Variants in GOSR2 observed in about 807,000 individuals in gnomAD.
GOSR2 encodes the protein 27 kDa Golgi SNARE protein.
A neutral mutation model predicts 27.9 loss-of-function variants in GOSR2; 20 were observed. That is an observed-to-expected ratio of 0.72 (90% confidence interval 0.50 to 1.04). GOSR2 has a LOEUF of 1.04. Among genes scored for constraint, GOSR2 ranks in the 50% least tolerant of loss-of-function variants. The pLI is 0.00. For missense variants in GOSR2, 261 were observed against 270.5 expected (o/e 0.97, Z 0.25); for synonymous variants, 91 against 98.8 (o/e 0.92, Z 0.47).
At chr17:46,966,998 TG>T (rs1385608224) in exon 7 of GOSR2, 2 of 262,214 alleles carry the variant, frequency 7.6e-6, no homozygotes, top group Non-Finnish European at 1.4e-5. Context: ...TTGATTTCTG[TG>T]ATGTGTGAAG....
In GOSR2 at chr17:46,938,865, G is replaced by C. The variant is rs1213288777; in HGVS notation, c.*105G>C. On this transcript the variant is annotated 3_prime_UTR_variant, in exon 6 of 6. Transcript: ENST00000640051. Reference sequence around the variant, plus strand: ...AGGCCGCCTTTTGAAATGTTTGCCTGTCTGAACTGTGAAGACACTTGGGAG... The same window carrying C: ...AGGCCGCCTTTTGAAATGTTTGCCTCTCTGAACTGTGAAGACACTTGGGAG... The C allele has an allele frequency of 1.3e-6, 2 of 1,582,806 alleles. No individual in the cohort carries two copies. The highest frequency in any genetic ancestry group is 1.7e-6 in the Non-Finnish European group (2 of 1,168,278).
In GOSR2 at chr17:46,940,287, C is replaced by T. The variant is rs2089077962; in HGVS notation, c.*1527C>T. 6.3e-6 allele frequency: 9 copies of T among 1,436,504 alleles called. No individual in the cohort carries two copies. Among genetic ancestry groups the T allele is most frequent in the South Asian group, 6.0e-5 (4 of 67,224 alleles). The allele number at this position is 1,436,504 out of a possible 1,614,324, so 89.0% of individuals were successfully genotyped here. A position where few individuals can be genotyped will look rare whatever the true frequency, so the allele number is the denominator to read the frequency against. On this transcript the variant is annotated 3_prime_UTR_variant, in exon 6 of 6. Coordinates refer to ENST00000640051, the MANE Select transcript of GOSR2 (RefSeq NM_004287.5). ...GAGATCTCCATTGTTCCTACCCCTC[C>T]GGGCCAAATGGGCCCCAGGTTTCCA...
Position 46,941,380 on chromosome 17 carries a change from G to T in GOSR2, c.*2620G>T, listed in dbSNP as rs2147095600. The T allele has an allele frequency of 2.0e-6, 2 of 982,040 alleles. No individual in the cohort carries two copies. The highest frequency in any genetic ancestry group is 2.4e-6 in the Non-Finnish European group (2 of 826,870). The allele number at this position is 982,040 out of a possible 1,614,324, so 60.8% of individuals were successfully genotyped here. On this transcript the variant is annotated 3_prime_UTR_variant, in exon 6 of 6. Coordinates refer to ENST00000640051, the MANE Select transcript of GOSR2 (RefSeq NM_004287.5). ...ATTTAGAAAATCACATTTTGTAAAA[G>T]AATTCGATATTCATTTTTATAACTA...
chr17:46,967,897 AG>A (rs2091352127), downstream of GOSR2, among the ~76,000 whole-genome samples: 1 of 152,220 alleles, frequency 6.6e-6, no homozygotes, highest in Admixed American at 6.5e-5. Context: ...GAGCTTAAGC[AG>A]GGAGGTGGCC....
chr17:46,974,982 A>ATTTT (rs1245399884), intron 6 of GOSR2, among the ~76,000 whole-genome samples: 3 of 69,806 alleles, frequency 4.3e-5, no homozygotes, highest in South Asian at 6.6e-4. Context: ...ATGAATTACT[A>ATTTT]TTTTCTTTTT....
At chr17:46,944,495 G>T (rs1343141149), downstream of GOSR2, among the ~76,000 whole-genome samples, 1 of 152,204 alleles carries the variant, frequency 6.6e-6, no homozygotes, top group African/African-American at 2.4e-5. Context: ...CTCAGCCTGG[G>T]CTGCTTCCTG....
chr17:46,970,838 G>A (rs1183947926), downstream of GOSR2, among the ~76,000 whole-genome samples: 1 of 152,250 alleles, frequency 6.6e-6, no homozygotes, highest in East Asian at 1.9e-4. Context: ...ACACTGATAA[G>A]TGAAAAACAG....
At chr17:46,967,459 C>T (rs575798804), downstream of GOSR2, among the ~76,000 whole-genome samples, 2 of 152,292 alleles carry the variant, frequency 1.3e-5, no homozygotes, top group African/African-American at 4.8e-5. Flanking sequence ...GATTATAATT[C>T]TGTTTCATGG....
chr17:46,950,163 C>A (rs2090224384), intron 6 of GOSR2, among the ~76,000 whole-genome samples: 1 of 152,214 alleles, frequency 6.6e-6, no homozygotes, highest in Admixed American at 6.5e-5. Flanking sequence ...CAGTATTTTT[C>A]AATGTCTCTG....
chr17:46,969,685 G>A (rs146776213), downstream of GOSR2, among the ~76,000 whole-genome samples: 35 of 152,316 alleles, frequency 2.3e-4, no homozygotes, highest in African/African-American at 7.7e-4. Flanking sequence ...CCTTAAACAC[G>A]GAAGAGTTCA....
downstream of GOSR2, among the ~76,000 whole-genome samples, chr17:46,945,051 A>G (rs185263028): frequency 3.2e-4 from 48 of 152,302 alleles, no homozygotes; most frequent in East Asian, 9.1e-3. Flanking sequence ...GTGATAGTTT[A>G]GTGCGGCCAT....
intron 6 of GOSR2, among the ~76,000 whole-genome samples, chr17:46,960,448 G>A (rs2090989253): frequency 6.6e-6 from 1 of 152,204 alleles, no homozygotes; most frequent in African/African-American, 2.4e-5. Flanking sequence ...GTTTGGCAGT[G>A]TCTTACAGAG....
Position 46,932,164 on chromosome 17 carries a change from C to T in GOSR2, c.301C>T (p.Arg101Ter), listed in dbSNP as rs764802895. ...TGCAAGGGAGCAGCAGGAGAGACAG[C>T]GAGAAGAGCTTCTGTCTCGAACCTT... ...RHAREQQERQ[R>*]EELLSRTFTT... is the part of the protein sequence containing the mutation. Residue 101 changes from arginine to a stop codon, truncating the protein, a stop_gained, in exon 4 of 6, where the codon CGA becomes TGA. Coordinates refer to ENST00000640051, the MANE Select transcript of GOSR2 (RefSeq NM_004287.5). LOFTEE classifies it high-confidence loss of function. 2.3e-5 allele frequency: 37 copies of T among 1,614,080 alleles called. No individual in the cohort carries two copies. Among genetic ancestry groups the T allele is most frequent in the South Asian group, 8.8e-5 (8 of 91,074 alleles).
At position 46,940,288 on chromosome 17, in the gene GOSR2, G is replaced by A. The variant is rs2089078474; in HGVS notation, c.*1528G>A. On this transcript the variant is annotated 3_prime_UTR_variant, in exon 6 of 6. Transcript: ENST00000640051. ...AGATCTCCATTGTTCCTACCCCTCCGGGCCAAATGGGCCCCAGGTTTCCAA... is the reference window on the plus strand; with the variant it reads ...AGATCTCCATTGTTCCTACCCCTCCAGGCCAAATGGGCCCCAGGTTTCCAA... 17 of 1,436,136 alleles carry A rather than the reference G, an allele frequency of 1.2e-5. No homozygotes were observed. Among genetic ancestry groups the A allele is most frequent in the Admixed American group, 2.8e-5 (1 of 35,976 alleles). The allele number at this position is 1,436,136 out of a possible 1,614,324, so 89.0% of individuals were successfully genotyped here. A position where few individuals can be genotyped will look rare whatever the true frequency, so the allele number is the denominator to read the frequency against.
intron 6 of GOSR2, among the ~76,000 whole-genome samples, chr17:46,972,597 C>T (rs1183060571): frequency 6.6e-6 from 1 of 152,224 alleles, no homozygotes; most frequent in Non-Finnish European, 1.5e-5. Context: ...CATCTGGCTG[C>T]ATTGCTGTCA....
chr17:46,941,854 A>G lies in GOSR2; in HGVS notation c.*3094A>G. 1.2e-6 allele frequency: 1 copy of G among 852,230 alleles called. No individual in the cohort carries two copies. The highest frequency in any genetic ancestry group is 1.4e-6 in the Non-Finnish European group (1 of 708,654). The allele number at this position is 852,230 out of a possible 1,614,324, so 52.8% of individuals were successfully genotyped here. On this transcript the variant is annotated 3_prime_UTR_variant, in exon 6 of 6. Coordinates refer to ENST00000640051, the MANE Select transcript of GOSR2 (RefSeq NM_004287.5). ...GCCTGCTTCGGCCTCCCAAAGTTCT[A>G]GGGTTACAGGTGTTAGCCACTGTAC...
At chr17:46,960,533 T>C (rs1483258875) in intron 6 of GOSR2, among the ~76,000 whole-genome samples, 3 of 152,330 alleles carry the variant, frequency 2.0e-5, no homozygotes, top group African/African-American at 7.2e-5. Flanking sequence ...AAACTTTTGT[T>C]CACACATACA....
At chr17:46,965,050 G>A (rs1442841975) in intron 6 of GOSR2, 4 of 152,190 alleles carry the variant, frequency 2.6e-5, no homozygotes, top group Non-Finnish European at 5.9e-5. Context: ...GTAAGTACAT[G>A]TGTGATGGCC....
intron 6 of GOSR2, chr17:46,966,384 A>G (rs1226655654): frequency 5.4e-6 from 3 of 550,750 alleles, no homozygotes; most frequent in South Asian, 2.5e-5. Context: ...ACACCTCTTC[A>G]AGGCCCTCAG....
Sources: gnomAD v4.1 joint callset for allele counts (sites outside exome capture counted in the v4.1 genomes callset) on GRCh38, gnomAD v4.1.1 for gene constraint, MANE v1.5 for transcripts, NCBI Gene and HGNC (gene_info 2026-07-23, HGNC 2026-07-21) for gene names.